HINT3: variants seen among roughly 807,000 people sequenced by gnomAD.
HINT3 encodes the protein adenosine 5'-monophosphoramidase HINT3.
HINT3 carries 16 observed loss-of-function variants against 19.1 expected under a neutral mutation model. That is an observed-to-expected ratio of 0.84 (90% CI 0.57 to 1.27). The LOEUF is 1.27. Among genes scored for constraint, HINT3 ranks in the 50% most tolerant of loss-of-function variants. The probability of loss-of-function intolerance (pLI) is 0.00; values close to 1 mark genes in which losing one functional copy is unlikely to be tolerated. For synonymous variants in HINT3, 75 were observed against 84.8 expected, an observed-to-expected ratio of 0.88 and a Z score of 0.63; for missense variants, 197 against 225.8, an observed-to-expected ratio of 0.87 and a Z score of 0.82.
intron 1 of HINT3, among the ~76,000 whole-genome samples, chr6:125,960,315 G>A (rs1252336657): frequency 6.6e-6 from 1 of 152,196 alleles, no homozygotes; most frequent in East Asian, 1.9e-4. Flanking sequence ...ATTGACCCAG[G>A]GTTGGGATTT....
intron 3 of HINT3, among the ~76,000 whole-genome samples, chr6:125,974,541 G>A (rs938715317): frequency 6.6e-6 from 1 of 152,182 alleles, no homozygotes; most frequent in East Asian, 1.9e-4. Context: ...GAAAGCTTAC[G>A]ATGATAAAGA....
At chr6:125,977,530 A>G in intron 4 of HINT3, 114 bp from the exon 5 acceptor site, 1 of 471,422 alleles carries the variant, frequency 2.1e-6, no homozygotes, top group East Asian at 3.2e-5. Flanking sequence ...TTTTAGGAAC[A>G]GAATATATAG....
Position 125,966,905 on chromosome 6 carries a change from T to C in HINT3, c.220T>C (p.Phe74Leu). ...LHCENEDLIC[F>L]KDIKPAATHH... The stretch of plus-strand genomic sequence containing the variant: ...CCTTTAGAATGAGGACCTAATTTGC[T>C]TCAAAGATATCAAACCAGCAGCAAC... The change falls in exon 2 of 5, where the codon TTC becomes CTC. Residue 74 changes from phenylalanine (F) to leucine (L), a missense_variant. Transcript: ENST00000229633. 6.2e-7 allele frequency: 1 copy of C among 1,611,620 alleles called. No individual in the cohort carries two copies. Among genetic ancestry groups the C allele is most frequent in the Non-Finnish European group, 8.5e-7 (1 of 1,178,860 alleles).
intron 4 of HINT3, among the ~76,000 whole-genome samples, chr6:125,976,823 T>C (rs184561522): frequency 1.8e-4 from 28 of 152,280 alleles, no homozygotes; most frequent in African/African-American, 6.0e-4. Flanking sequence ...TCTTATATAA[T>C]GATCCAGATT....
intron 2 of HINT3, among the ~76,000 whole-genome samples, chr6:125,971,017 C>T (rs997224653): frequency 6.6e-6 from 1 of 152,104 alleles, no homozygotes; most frequent in Non-Finnish European, 1.5e-5. Context: ...ATCAGCTATC[C>T]TCTGTAGATG....
intron 3 of HINT3, 37 bp downstream of exon 3, chr6:125,972,365 T>G (rs373220582): frequency 6.7e-5 from 82 of 1,229,378 alleles, no homozygotes; most frequent in Middle Eastern, 6.0e-4. Context: ...ATATTATACA[T>G]TATTGACGTT....
chr6:125,978,935 A>G lies in HINT3; in HGVS notation c.*1259A>G, dbSNP rs1789212013. The G allele has an allele frequency of 6.6e-6, 1 of 152,218 alleles. No individual in the cohort carries two copies. The highest frequency in any genetic ancestry group is 1.5e-5 in the Non-Finnish European group (1 of 68,034). 9.4% of individuals were successfully genotyped at this position (152,218 alleles called of 1,614,324 possible). On this transcript the variant is annotated 3_prime_UTR_variant, in exon 5 of 5. Transcript: ENST00000229633. ...AGGATCAGGAAATAAAGAACTAAAA[A>G]TGGACATTCAGACTGCAATTGCTAG...
intron 3 of HINT3, 71 bp downstream of exon 3, chr6:125,972,399 G>A: frequency 1.1e-6 from 1 of 942,518 alleles, no homozygotes; most frequent in Non-Finnish European, 1.5e-6. Context: ...TTTCTCCATG[G>A]AAAATGGAAA....
At chr6:125,964,515 C>T (rs1788989147) in intron 1 of HINT3, among the ~76,000 whole-genome samples, 1 of 151,956 alleles carries the variant, frequency 6.6e-6, no homozygotes, top group Non-Finnish European at 1.5e-5. Flanking sequence ...ATAGCTTAAC[C>T]ACTCTCCTGC....
intron 4 of HINT3, among the ~76,000 whole-genome samples, chr6:125,976,051 A>G (rs1433751437): frequency 2.6e-5 from 4 of 152,226 alleles, no homozygotes; most frequent in Non-Finnish European, 5.9e-5. Context: ...TTATGTGTCC[A>G]TGATGACAAA....
intron 1 of HINT3, among the ~76,000 whole-genome samples, chr6:125,962,193 T>TATATATATATATATATATACAC (rs1788939707): frequency 5.3e-5 from 3 of 56,502 alleles, no homozygotes; most frequent in Non-Finnish European, 8.7e-5. Context: ...TATACACATA[T>TATATATATATATATATATACAC]ATATATATAT....
At chr6:125,970,682 T>C (rs1029360967) in intron 2 of HINT3, among the ~76,000 whole-genome samples, 2 of 152,166 alleles carry the variant, frequency 1.3e-5, no homozygotes, top group African/African-American at 2.4e-5. Context: ...ATGACTATAA[T>C]TGACATTTAC....
rs1187863121 is a variant in HINT3, at chr6:125,979,829, T to G, written c.*2153T>G. The stretch of plus-strand genomic sequence containing the variant: ...CTTATGGACCTCTTCAAAAATGTGG[T>G]TAGCCAATTGATTCAACTTTTATAG... On this transcript the variant is annotated 3_prime_UTR_variant, in exon 5 of 5. Coordinates refer to ENST00000229633, the MANE Select transcript of HINT3 (RefSeq NM_138571.5). The G allele has an allele frequency of 6.6e-6, 1 of 152,174 alleles. No individual in the cohort carries two copies. Among genetic ancestry groups the G allele is most frequent in the Non-Finnish European group, 1.5e-5 (1 of 68,030 alleles). 9.4% of individuals were successfully genotyped at this position (152,174 alleles called of 1,614,324 possible). A position where few individuals can be genotyped will look rare whatever the true frequency, so the allele number is the denominator to read the frequency against.
chr6:125,961,150 A>G (rs1788919147), intron 1 of HINT3, among the ~76,000 whole-genome samples: 1 of 152,204 alleles, frequency 6.6e-6, no homozygotes, highest in Admixed American at 6.5e-5. Context: ...GAAATAAGAC[A>G]TGATCAGTAC....
chr6:125,961,192 A>G (rs1202577561), intron 1 of HINT3, among the ~76,000 whole-genome samples: 2 of 152,180 alleles, frequency 1.3e-5, no homozygotes, highest in Admixed American at 6.5e-5. Flanking sequence ...AATTAGGGAA[A>G]CGGGGAATAT....
chr6:125,971,278 A>T (rs1789093501), intron 2 of HINT3, among the ~76,000 whole-genome samples: 1 of 152,208 alleles, frequency 6.6e-6, no homozygotes, highest in South Asian at 2.1e-4. Context: ...CCATATCCTT[A>T]ATTTGGGCTC....
intron 1 of HINT3, among the ~76,000 whole-genome samples, chr6:125,958,940 G>A (rs368526799): frequency 2.6e-5 from 4 of 152,136 alleles, no homozygotes; most frequent in Non-Finnish European, 5.9e-5. Context: ...ATGAAAGAGG[G>A]TGAAGTCAAA....
chr6:125,972,603 T>A (rs72971841), intron 3 of HINT3, among the ~76,000 whole-genome samples: 63 of 152,156 alleles, frequency 4.1e-4, no homozygotes, highest in African/African-American at 1.3e-3. Context: ...TAAAAAAAAA[T>A]TTTTGAGATA....
At chr6:125,967,600 G>A (rs1789037769) in intron 2 of HINT3, among the ~76,000 whole-genome samples, 2 of 152,056 alleles carry the variant, frequency 1.3e-5, no homozygotes, top group Admixed American at 1.3e-4. Flanking sequence ...CCAAAGTGCT[G>A]GGATTACAGG....
Sources: gnomAD v4.1 joint callset for allele counts (sites outside exome capture counted in the v4.1 genomes callset) on GRCh38, gnomAD v4.1.1 for gene constraint, MANE v1.5 for transcripts, NCBI Gene and HGNC (gene_info 2026-07-23, HGNC 2026-07-21) for gene names.